The following STK3 variants were observed in gnomAD, a reference collection of about 807,000 sequenced individuals.
The protein encoded by STK3 is serine/threonine kinase 3, also known as serine/threonine-protein kinase 3.
A neutral mutation model predicts 58.0 loss-of-function variants in STK3; 41 were observed. The ratio of observed to expected loss-of-function variants is 0.71; its 90% CI spans 0.55 to 0.92. The LOEUF is 0.92. Among genes scored for constraint, STK3 ranks in the 40% least tolerant of loss-of-function variants. The probability of loss-of-function intolerance (pLI) is 0.00; values close to 1 mark genes in which losing one functional copy is unlikely to be tolerated. For synonymous variants in STK3, 170 were observed against 191.0 expected, an observed-to-expected ratio of 0.89 and a Z score of 0.91; for missense variants, 479 against 602.7, an observed-to-expected ratio of 0.79 and a Z score of 2.15.
chr8:98,781,537 C>G (rs1298777340), intron 1 of STK3, among the ~76,000 whole-genome samples: 2 of 152,128 alleles, frequency 1.3e-5, no homozygotes, highest in Non-Finnish European at 2.9e-5. Context: ...TTCCCACTAT[C>G]CAGAGTTGAA....
At chr8:98,786,341 G>A (rs568709908) in intron 1 of STK3, among the ~76,000 whole-genome samples, 1 of 152,310 alleles carries the variant, frequency 6.6e-6, no homozygotes, top group South Asian at 2.1e-4. Flanking sequence ...GAGCCAAGTA[G>A]CTTGAGACCA....
chr8:98,614,034 AAATAT>A (rs1323867511), intron 6 of STK3, among the ~76,000 whole-genome samples: 3 of 152,224 alleles, frequency 2.0e-5, no homozygotes, highest in African/African-American at 7.2e-5. Flanking sequence ...ACAAGCTATA[AAATAT>A]ATGAAGCAAA....
intron 3 of STK3, among the ~76,000 whole-genome samples, chr8:98,846,394 T>C (rs1040401129): frequency 6.6e-6 from 1 of 152,212 alleles, no homozygotes; most frequent in Non-Finnish European, 1.5e-5. Context: ...AGGCATTCTT[T>C]CTCTCTTCCT....
intron 3 of STK3, among the ~76,000 whole-genome samples, chr8:98,863,230 A>T (rs1418864751): frequency 1.3e-5 from 2 of 151,952 alleles, no homozygotes. Context: ...AAATAGTGAG[A>T]CTGGTGTTAT....
chr8:98,493,665 C>G (rs1432017495), intron 10 of STK3, among the ~76,000 whole-genome samples: 1 of 152,158 alleles, frequency 6.6e-6, no homozygotes, highest in African/African-American at 2.4e-5. Flanking sequence ...ATGACTTGAA[C>G]TATACCAATT....
chr8:98,609,924 A>C (rs987860740), intron 6 of STK3, among the ~76,000 whole-genome samples: 1 of 151,180 alleles, frequency 6.6e-6, no homozygotes, highest in Non-Finnish European at 1.5e-5. Context: ...CAGAGATCGC[A>C]CCACCGCACT....
At chr8:98,678,412 A>C (rs1823381867) in intron 6 of STK3, among the ~76,000 whole-genome samples, 1 of 152,082 alleles carries the variant, frequency 6.6e-6, no homozygotes, top group South Asian at 2.1e-4. Flanking sequence ...TTTAATAAAT[A>C]ATTTATGAGT....
chr8:98,582,834 A>T lies in STK3; in HGVS notation c.823-3045T>A, dbSNP rs1814038786. Among the ~76,000 whole-genome samples, 3 of 152,250 alleles carry T rather than the reference A, an allele frequency of 2.0e-5. No individual in the cohort carries two copies. In the South Asian group the frequency reaches 6.2e-4, roughly 32 times the overall value. On this transcript the variant is annotated intron_variant, in intron 7 of 10. Coordinates refer to ENST00000419617, the MANE Select transcript of STK3 (RefSeq NM_006281.4). ...AATCAATCACTATATAATTCAGATGATGTTTATTTTTTGCCTATATGGTTA... is the reference window on the plus strand; with the variant it reads ...AATCAATCACTATATAATTCAGATGTTGTTTATTTTTTGCCTATATGGTTA...
Position 98,593,582 on chromosome 8 carries a change from T to C in STK3, c.822+2450A>G, listed in dbSNP as rs1010448938. Among the ~76,000 whole-genome samples, 6 of 152,146 alleles carry C rather than the reference T, an allele frequency of 3.9e-5. No homozygotes were observed. In the East Asian group the frequency reaches 1.2e-3, roughly 29 times the overall value. ...CTGTCAGATCAGCAGTGGTATTAGA[T>C]TCTAACAGGAGCACAAACCCTATTG... On this transcript the variant is annotated intron_variant, in intron 7 of 10. Coordinates refer to ENST00000419617, the MANE Select transcript of STK3 (RefSeq NM_006281.4).
intron 3 of STK3, among the ~76,000 whole-genome samples, chr8:98,412,180 T>C (rs964832203): frequency 6.6e-6 from 1 of 152,176 alleles, no homozygotes; most frequent in Non-Finnish European, 1.5e-5. Flanking sequence ...AGGAAAATAT[T>C]TGTGCCAGTA....
chr8:98,931,769 T>C (rs545665200), intron 1 of STK3, among the ~76,000 whole-genome samples: 4 of 152,334 alleles, frequency 2.6e-5, no homozygotes, highest in Non-Finnish European at 5.9e-5. Context: ...AACAATCTCC[T>C]TTCCTGGATA....
chr8:98,907,642 C>T (rs1414492633), intron 1 of STK3, among the ~76,000 whole-genome samples: 1 of 152,132 alleles, frequency 6.6e-6, no homozygotes. Flanking sequence ...ATCATTTCAC[C>T]CAAAAATATT....
rs1337239576 is a variant in STK3, at chr8:98,378,806, CA to C, written n.111+346del. Among the ~76,000 whole-genome samples the C allele has an allele frequency of 2.6e-4, 40 of 152,290 alleles. 1 individual carries two copies. The Middle Eastern group carries it at 0.024, about 91-fold the overall frequency. On this transcript the variant is annotated intron_variant and non_coding_transcript_variant, in intron 2 of 2. Transcript: ENST00000518704. ...CACCTGCAAATATCTGTCCTGCCTA[CA>C]AAACACAACTCTCCACATGGCCCCT...
At position 98,596,180 on chromosome 8, in the gene STK3, T is replaced by G. The variant is rs747813345; in HGVS notation, c.685-11A>C. 1.2e-6 allele frequency: 2 copies of G among 1,608,650 alleles called. No individual in the cohort carries two copies. The highest frequency in any genetic ancestry group is 2.7e-5 in the African/African-American group (2 of 74,866). On this transcript the variant is annotated splice_polypyrimidine_tract_variant and intron_variant, in intron 6 of 10. Coordinates refer to ENST00000419617, the MANE Select transcript of STK3 (RefSeq NM_006281.4). ...AATCATAAAAATAGCCTAGTACAAA[T>G]GAAATATCCAAAAGACAGTAAGAAT... is the stretch of plus-strand genomic sequence containing the variant.
At chr8:98,763,280 T>C (rs1204670389) in intron 3 of STK3, among the ~76,000 whole-genome samples, 1 of 152,194 alleles carries the variant, frequency 6.6e-6, no homozygotes, top group Non-Finnish European at 1.5e-5. Context: ...GGTACTGAAC[T>C]AGGCACTGCA....
At chr8:98,667,241 C>G (rs527579431) in intron 6 of STK3, among the ~76,000 whole-genome samples, 6 of 152,152 alleles carry the variant, frequency 3.9e-5, no homozygotes, top group Non-Finnish European at 5.9e-5. Flanking sequence ...GTTTTATAAC[C>G]CTGTTTAAAT....
chr8:98,893,651 G>C (rs1838345824), intron 1 of STK3, among the ~76,000 whole-genome samples: 1 of 151,976 alleles, frequency 6.6e-6, no homozygotes, highest in African/African-American at 2.4e-5. Flanking sequence ...AGCAACCAAA[G>C]CTTGAGTTCT....
intron 4 of STK3, among the ~76,000 whole-genome samples, chr8:98,712,779 C>T (rs1453895814): frequency 8.5e-5 from 13 of 152,170 alleles, no homozygotes; most frequent in Non-Finnish European, 1.3e-4. Context: ...GTGCACCAAG[C>T]GGACCTAATA....
intron 10 of STK3, among the ~76,000 whole-genome samples, chr8:98,482,731 G>A (rs1283149894): frequency 6.6e-6 from 1 of 152,032 alleles, no homozygotes; most frequent in African/African-American, 2.4e-5. Flanking sequence ...TAATGAGGCA[G>A]GGAGCCAGAC....
Sources: allele counts gnomAD v4.1 joint callset (sites outside exome capture counted in the v4.1 genomes callset), GRCh38; gene constraint gnomAD v4.1.1; transcripts MANE v1.5; gene names NCBI Gene and HGNC (gene_info 2026-07-23, HGNC 2026-07-21).